GRIA4: variants seen among roughly 807,000 people sequenced by gnomAD.
The protein encoded by GRIA4 is glutamate receptor 4.
GRIA4 carries 34 observed loss-of-function variants against 104.0 expected under a neutral mutation model. The ratio of observed to expected loss-of-function variants is 0.33; its 90% CI spans 0.25 to 0.44. The LOEUF is 0.44. Ranked by LOEUF, GRIA4 falls within the 20% of genes least tolerant of loss-of-function variation. The pLI, the probability that GRIA4 is intolerant of heterozygous loss-of-function variation, is 1.00. For synonymous variants in GRIA4, 386 were observed against 381.9 expected (o/e 1.01, Z -0.13); for missense variants, 750 against 1,096.5 (o/e 0.68, Z 4.46).
At chr11:105,783,376 T>G (rs1044488585) in intron 4 of GRIA4, among the ~76,000 whole-genome samples, 8 of 152,134 alleles carry the variant, frequency 5.3e-5, no homozygotes, top group Non-Finnish European at 1.2e-4. Flanking sequence ...ATTTCAAGAG[T>G]CACTTTCAGT....
intron 14 of GRIA4, among the ~76,000 whole-genome samples, chr11:105,969,995 A>C (rs1858602134): frequency 6.6e-6 from 1 of 152,168 alleles, no homozygotes; most frequent in African/African-American, 2.4e-5. Flanking sequence ...CTTGGGGGTC[A>C]GGTGCAGAGA....
At chr11:105,977,644 G>A (rs1294121561) in intron 16 of GRIA4, among the ~76,000 whole-genome samples, 2 of 151,954 alleles carry the variant, frequency 1.3e-5, no homozygotes, top group African/African-American at 4.8e-5. Flanking sequence ...ACACTAGAAA[G>A]TTATTTAGCA....
chr11:105,726,533 AGAGC>A (rs1306177163), intron 3 of GRIA4, among the ~76,000 whole-genome samples: 4 of 152,172 alleles, frequency 2.6e-5, no homozygotes, highest in African/African-American at 9.6e-5. Context: ...GCACAGCACT[AGAGC>A]TCTGCTAAGG....
intron 10 of GRIA4, among the ~76,000 whole-genome samples, chr11:105,916,247 G>A (rs1361503088): frequency 6.6e-6 from 1 of 152,070 alleles, no homozygotes; most frequent in Non-Finnish European, 1.5e-5. Flanking sequence ...TCTTTCACTT[G>A]TTAGTTCTGT....
At chr11:105,952,945 T>C (rs1948491857) in intron 14 of GRIA4, among the ~76,000 whole-genome samples, 1 of 152,234 alleles carries the variant, frequency 6.6e-6, no homozygotes, top group African/African-American at 2.4e-5. Flanking sequence ...CAATATCTTT[T>C]CTAAAAACTT....
At chr11:105,796,741 T>C (rs1436454266) in intron 4 of GRIA4, among the ~76,000 whole-genome samples, 1 of 152,158 alleles carries the variant, frequency 6.6e-6, no homozygotes, top group Admixed American at 6.6e-5. Context: ...GAAAATCTAT[T>C]TTTCCATAAC....
chr11:105,879,380 C>A (rs2136075671), intron 5 of GRIA4, among the ~76,000 whole-genome samples: 1 of 152,292 alleles, frequency 6.6e-6, no homozygotes, highest in Non-Finnish European at 1.5e-5. Context: ...TAATTGATTA[C>A]TTTGAGCTTG....
intron 2 of GRIA4, among the ~76,000 whole-genome samples, chr11:105,611,807 A>G (rs904904541): frequency 6.6e-6 from 1 of 152,230 alleles, no homozygotes; most frequent in African/African-American, 2.4e-5. Flanking sequence ...GACTGTGCAT[A>G]AAACGGAGTT....
chr11:105,828,662 T>TA (rs570146830), intron 4 of GRIA4, among the ~76,000 whole-genome samples: 11,642 of 137,082 alleles, frequency 0.085, 1,002 homozygotes, highest in African/African-American at 0.23. Context: ...AATGTTTTCA[T>TA]AAAAAAAAAA....
intron 3 of GRIA4, among the ~76,000 whole-genome samples, chr11:105,671,493 A>T (rs1268505860): frequency 6.6e-6 from 1 of 151,752 alleles, no homozygotes; most frequent in Non-Finnish European, 1.5e-5. Context: ...CCTGGCCAAC[A>T]TGGTGAAATC....
intron 10 of GRIA4, among the ~76,000 whole-genome samples, chr11:105,914,894 C>G (rs1282764761): frequency 6.6e-6 from 1 of 152,110 alleles, no homozygotes; most frequent in Non-Finnish European, 1.5e-5. Context: ...TAATGATTTT[C>G]TGGAATTTAT....
intron 4 of GRIA4, among the ~76,000 whole-genome samples, chr11:105,754,269 T>C (rs1940176648): frequency 2.0e-5 from 3 of 152,126 alleles, no homozygotes; most frequent in African/African-American, 7.2e-5. Flanking sequence ...ATCAAATACA[T>C]ATATCATAAT....
At chr11:105,866,549 G>GTATATATATATATATATATA (rs1345654796) in intron 5 of GRIA4, among the ~76,000 whole-genome samples, 23 of 78,222 alleles carry the variant, frequency 2.9e-4, no homozygotes, top group South Asian at 4.2e-4. Context: ...GTGTGTGTGT[G>GTATATATATATATATATATA]TGTATATATA....
intron 3 of GRIA4, among the ~76,000 whole-genome samples, chr11:105,682,206 T>G (rs1952732560): frequency 6.6e-6 from 1 of 152,170 alleles, no homozygotes; most frequent in Non-Finnish European, 1.5e-5. Context: ...AATGTTGAAT[T>G]AATATCTTTA....
At chr11:105,880,601 T>A (rs1380355760) in intron 5 of GRIA4, among the ~76,000 whole-genome samples, 4 of 152,190 alleles carry the variant, frequency 2.6e-5, no homozygotes, top group East Asian at 3.8e-4. Flanking sequence ...TCATTTTTTT[T>A]AATATTTGGA....
At chr11:105,804,041 A>C (rs1020120538) in intron 4 of GRIA4, among the ~76,000 whole-genome samples, 2 of 151,896 alleles carry the variant, frequency 1.3e-5, no homozygotes, top group African/African-American at 4.8e-5. Flanking sequence ...CATTTGCTAT[A>C]TATGATTGGA....
intron 3 of GRIA4, among the ~76,000 whole-genome samples, chr11:105,674,541 A>G (rs888313536): frequency 1.3e-5 from 2 of 151,738 alleles, no homozygotes; most frequent in Non-Finnish European, 2.9e-5. Context: ...GCAGTCACTG[A>G]AAAAAAATTA....
intron 6 of GRIA4, among the ~76,000 whole-genome samples, chr11:105,888,582 G>A (rs1591400879): frequency 6.6e-6 from 1 of 151,904 alleles, no homozygotes. Flanking sequence ...CACCACGCCC[G>A]GCCTCCTTTT....
intron 7 of GRIA4, among the ~76,000 whole-genome samples, chr11:105,903,227 G>A (rs142935921): frequency 1.3e-5 from 2 of 152,276 alleles, no homozygotes; most frequent in Non-Finnish European, 2.9e-5. Context: ...ATTTAGCATA[G>A]TCACTGATGC....
Sources: allele counts gnomAD v4.1 joint callset (sites outside exome capture counted in the v4.1 genomes callset), GRCh38; gene constraint gnomAD v4.1.1; transcripts MANE v1.5; gene names NCBI Gene and HGNC (gene_info 2026-07-23, HGNC 2026-07-21).